CDYL2: variants seen among roughly 807,000 people sequenced by gnomAD.
The protein encoded by CDYL2 is chromodomain Y-like protein 2.
In CDYL2, 23 loss-of-function variants were observed where a neutral mutation model predicts 49.4. The ratio of observed to expected loss-of-function variants is 0.47; its 90% CI spans 0.34 to 0.66. CDYL2 has a LOEUF of 0.66. CDYL2 is among the 30% of genes least tolerant of loss of function. The probability of loss-of-function intolerance (pLI) is 0.01; values close to 1 mark genes in which losing one functional copy is unlikely to be tolerated. For synonymous variants in CDYL2, 360 were observed against 268.8 expected, an observed-to-expected ratio of 1.34 and a Z score of -3.32; for missense variants, 678 against 656.4, an observed-to-expected ratio of 1.03 and a Z score of -0.36.
chr16:80,615,477 C>T (rs1906787518), intron 4 of CDYL2, among the ~76,000 whole-genome samples: 1 of 152,104 alleles, frequency 6.6e-6, no homozygotes, highest in Non-Finnish European at 1.5e-5. Flanking sequence ...CCATAACATT[C>T]CAACGATGCA....
intron 1 of CDYL2, among the ~76,000 whole-genome samples, chr16:80,739,249 G>C (rs912320999): frequency 2.6e-5 from 4 of 152,192 alleles, no homozygotes; most frequent in Non-Finnish European, 5.9e-5. Flanking sequence ...GACTGGGGGA[G>C]AAGGGGAGAA....
intron 2 of CDYL2, among the ~76,000 whole-genome samples, chr16:80,659,987 A>C (rs560649031): frequency 1.3e-5 from 2 of 152,256 alleles, no homozygotes; most frequent in Non-Finnish European, 2.9e-5. Flanking sequence ...ATTGTCAAAA[A>C]GGAATGGCAG....
At chr16:80,699,735 A>C (rs1904291265) in intron 1 of CDYL2, among the ~76,000 whole-genome samples, 1 of 152,222 alleles carries the variant, frequency 6.6e-6, no homozygotes, top group Non-Finnish European at 1.5e-5. Flanking sequence ...CCCTGATTTG[A>C]TCATTACACA....
intron 3 of CDYL2, among the ~76,000 whole-genome samples, chr16:80,626,583 G>A (rs563203880): frequency 6.2e-4 from 95 of 152,244 alleles, no homozygotes; most frequent in African/African-American, 2.2e-3. Context: ...ATAAAATAAA[G>A]AACACCCAAT....
At chr16:80,795,827 A>C (rs1907754995) in intron 1 of CDYL2, among the ~76,000 whole-genome samples, 1 of 152,216 alleles carries the variant, frequency 6.6e-6, no homozygotes, top group Non-Finnish European at 1.5e-5. Context: ...TTACACATGC[A>C]TACATGTGTG....
chr16:80,685,480 T>A (rs1360077770), intron 1 of CDYL2, among the ~76,000 whole-genome samples: 1 of 152,208 alleles, frequency 6.6e-6, no homozygotes, highest in Non-Finnish European at 1.5e-5. Flanking sequence ...TGCACCAAAG[T>A]AGATGCAGGC....
chr16:80,792,398 AC>A (rs1364040765), intron 1 of CDYL2, among the ~76,000 whole-genome samples: 1 of 152,156 alleles, frequency 6.6e-6, no homozygotes, highest in Non-Finnish European at 1.5e-5. Flanking sequence ...AGAGGTGGCG[AC>A]CCAAAAGAAG....
chr16:80,730,168 T>C (rs1905279009), intron 1 of CDYL2, among the ~76,000 whole-genome samples: 2 of 152,084 alleles, frequency 1.3e-5, no homozygotes, highest in African/African-American at 4.8e-5. Flanking sequence ...CAGGATCTAG[T>C]TTTTTGAAAG....
rs753798894 is a variant in CDYL2 at position 80,804,111 on chromosome 16, C to T, written c.24+39G>A. On this transcript the variant is annotated intron_variant, in intron 1 of 6. Transcript: ENST00000570137. Reference sequence around the variant, plus strand: ...CCCGCCGCCGCCGCCCGCCGCCGCCCGCTGACTGGGGCCGGCCCGCGCCCC... The same window carrying T: ...CCCGCCGCCGCCGCCCGCCGCCGCCTGCTGACTGGGGCCGGCCCGCGCCCC... The T allele has an allele frequency of 3.2e-5, 33 of 1,044,952 alleles. No individual in the cohort carries two copies. The South Asian group carries it at 9.7e-4, about 31-fold the overall frequency. The allele number at this position is 1,044,952 out of a possible 1,614,324, so 64.7% of individuals were successfully genotyped here.
At chr16:80,664,337 G>A (rs74387804) in intron 2 of CDYL2, among the ~76,000 whole-genome samples, 1,960 of 152,180 alleles carry the variant, frequency 0.013, 47 homozygotes, top group African/African-American at 0.045. Flanking sequence ...CTAATCCTCC[G>A]GGGCCACTTG....
intron 1 of CDYL2, among the ~76,000 whole-genome samples, chr16:80,780,607 G>T (rs184424643): frequency 6.6e-6 from 1 of 151,724 alleles, no homozygotes; most frequent in Non-Finnish European, 1.5e-5. Flanking sequence ...AGGTTTCACC[G>T]TGTTAGCCAG....
chr16:80,800,443 T>C (rs1212245075), intron 1 of CDYL2, among the ~76,000 whole-genome samples: 4 of 152,158 alleles, frequency 2.6e-5, no homozygotes, highest in Non-Finnish European at 4.4e-5. Context: ...GCCTCAATCC[T>C]GTTTTTCCCA....
intron 1 of CDYL2, among the ~76,000 whole-genome samples, chr16:80,690,595 G>C (rs1018392872): frequency 1.3e-5 from 2 of 152,120 alleles, no homozygotes; most frequent in African/African-American, 2.4e-5. Flanking sequence ...AATGCATCTT[G>C]GCTCCAAATC....
Position 80,713,947 on chromosome 16 carries a change from ATG to A in CDYL2, c.25-28820_25-28819del, listed in dbSNP as rs1233554847. Among the ~76,000 whole-genome samples, 4 of 152,256 alleles carry A rather than the reference ATG, an allele frequency of 2.6e-5. 1 individual carries two copies. Among genetic ancestry groups the A allele is most frequent in the African/African-American group, 9.6e-5 (4 of 41,546 alleles). On this transcript the variant is annotated intron_variant, in intron 1 of 6. Coordinates refer to ENST00000570137, the MANE Select transcript of CDYL2 (RefSeq NM_152342.4). ...GATCAAACAGCAGATGTCAGAATGAATGTGCTTCCAGACGGGTCAGCTGCCAG... is the reference window on the plus strand; with the variant it reads ...GATCAAACAGCAGATGTCAGAATGAATGCTTCCAGACGGGTCAGCTGCCAG...
intron 1 of CDYL2, among the ~76,000 whole-genome samples, chr16:80,801,924 G>C (rs771876739): frequency 6.6e-6 from 1 of 152,068 alleles, no homozygotes; most frequent in African/African-American, 2.4e-5. Context: ...TTATATTCTC[G>C]TAATGCAATT....
chr16:80,726,142 C>A (rs1023761896), intron 1 of CDYL2, among the ~76,000 whole-genome samples: 1 of 152,124 alleles, frequency 6.6e-6, no homozygotes, highest in African/African-American at 2.4e-5. Context: ...ACGGTTGAGG[C>A]AGGATAATGG....
chr16:80,712,109 G>A (rs1041734468), intron 1 of CDYL2, among the ~76,000 whole-genome samples: 1 of 145,450 alleles, frequency 6.9e-6, no homozygotes, highest in Non-Finnish European at 1.5e-5. Flanking sequence ...GTGTATATAT[G>A]TGTATATATG....
In CDYL2 at chr16:80,612,022, G is replaced by A. The variant is rs974317923; in HGVS notation, c.1218+604C>T. Among the ~76,000 whole-genome samples the A allele has an allele frequency of 1.3e-5, 2 of 152,214 alleles. No homozygotes were observed. The highest frequency in any genetic ancestry group is 2.9e-5 in the Non-Finnish European group (2 of 68,036). ...GGGTGGAGACTGCTTTGTGTCCACT[G>A]AATCCTTTCCCTCTTCTTGCTGGAC... On this transcript the variant is annotated intron_variant, in intron 5 of 6. Coordinates refer to ENST00000570137, the MANE Select transcript of CDYL2 (RefSeq NM_152342.4). The surrounding 1 kb of genome is among the most constrained non-coding windows in gnomAD (Gnocchi z 5.0).
Position 80,710,266 on chromosome 16 carries a change from G to A in CDYL2, c.25-25137C>T, listed in dbSNP as rs550872081. 2.2e-4 allele frequency among the ~76,000 whole-genome samples: 34 copies of A among 152,230 alleles called. No individual in the cohort carries two copies. In the South Asian group the frequency reaches 7.1e-3, roughly 32 times the overall value. On this transcript the variant is annotated intron_variant, in intron 1 of 6. Coordinates refer to ENST00000570137, the MANE Select transcript of CDYL2 (RefSeq NM_152342.4). Reference sequence around the variant, plus strand: ...TTAAGAATGCTCAAGTCATATTATAGCAGAACTTACTGCTAAATGTTCTTC... The same window carrying A: ...TTAAGAATGCTCAAGTCATATTATAACAGAACTTACTGCTAAATGTTCTTC...
Sources: gnomAD v4.1 joint callset for allele counts (sites outside exome capture counted in the v4.1 genomes callset) on GRCh38, gnomAD v4.1.1 for gene constraint, Gnocchi (gnomAD v3.1) non-coding constraint, MANE v1.5 for transcripts, NCBI Gene and HGNC (gene_info 2026-07-23, HGNC 2026-07-21) for gene names.